The following DHX29 variants were observed in gnomAD, a reference collection of about 807,000 sequenced individuals.
DHX29 encodes DExH-box helicase 29.
Under a neutral mutation model 167.9 loss-of-function variants are expected in DHX29, and 79 were observed. The ratio of observed to expected loss-of-function variants is 0.47; its 90% confidence interval spans 0.39 to 0.57. DHX29 has a LOEUF of 0.57. Among genes scored for constraint, DHX29 ranks in the 20% least tolerant of loss-of-function variants. The probability of loss-of-function intolerance (pLI) is 0.00; values close to 1 mark genes in which losing one functional copy is unlikely to be tolerated. For missense variants in DHX29, 1,347 were observed against 1,593.4 expected, an observed-to-expected ratio of 0.85 and a Z score of 2.63; for synonymous variants, 530 against 546.0, an observed-to-expected ratio of 0.97 and a Z score of 0.41.
intron 1 of DHX29, among the ~76,000 whole-genome samples, chr5:55,305,492 C>T (rs1748814619): frequency 6.6e-6 from 1 of 152,168 alleles, no homozygotes; most frequent in African/African-American, 2.4e-5. Context: ...GATTTTATTG[C>T]AAAGTCAGTG....
chr5:55,301,785 C>T (rs1307944217), intron 1 of DHX29, among the ~76,000 whole-genome samples: 2 of 149,994 alleles, frequency 1.3e-5, no homozygotes, highest in Non-Finnish European at 3.0e-5. Context: ...TTTTATACAC[C>T]TTAAAATAAG....
intron 9 of DHX29, 128 bp from the exon 10 acceptor site, chr5:55,285,544 GATA>G (rs1747676652): frequency 1.6e-6 from 2 of 1,221,328 alleles, no homozygotes; most frequent in East Asian, 5.1e-5. Context: ...GGCATTATTA[GATA>G]ATGATAATCT....
chr5:55,295,402 A>C lies in DHX29; in HGVS notation c.628T>G (p.Tyr210Asp). The C allele has an allele frequency of 6.2e-7, 1 of 1,612,736 alleles. No homozygotes were observed. Among genetic ancestry groups the C allele is most frequent in the Non-Finnish European group, 8.5e-7 (1 of 1,178,840 alleles). ...SPPLQPKTKTYEEDPKSKPKK... is the reference protein window; with the variant it reads ...SPPLQPKTKTDEEDPKSKPKK... ...ACCTTACTCTTAGGGTCCTCTTCAT[A>C]TGTTTTTGTTTTAGGTTGCAATGGA... is the stretch of plus-strand genomic sequence containing the variant. The change falls in exon 5 of 27, where the codon TAT becomes GAT. Residue 210 changes from tyrosine (Y) to aspartate (D), a missense_variant. Coordinates refer to ENST00000251636, the MANE Select transcript of DHX29 (RefSeq NM_019030.4).
intron 12 of DHX29, 74 bp from the exon 13 acceptor site, chr5:55,277,356 C>A: frequency 1.0e-6 from 1 of 978,654 alleles, no homozygotes; most frequent in Non-Finnish European, 1.5e-6. Context: ...AACAATCAGA[C>A]ACCCAGATTT....
Position 55,262,920 on chromosome 5 carries a change from C to T in DHX29, c.3538G>A (p.Glu1180Lys). ...SLLTLEDVKQ[E>K]LIKLVKAAGF... ...GCTGCCTTAACCAACTTTATTAACT[C>T]CTGCTTTACATCCTAGATTGGTTTA... is the stretch of plus-strand genomic sequence containing the variant. The change falls in exon 24 of 27, where the codon GAG (glutamate) becomes AAG (lysine). Residue 1180 changes from glutamate (E) to lysine (K), a missense_variant. Glu to Lys is a moderately conservative substitution (Grantham distance 56, BLOSUM62 1). Coordinates refer to ENST00000251636, the MANE Select transcript of DHX29 (RefSeq NM_019030.4). The T allele has an allele frequency of 1.2e-6, 2 of 1,611,286 alleles. No individual in the cohort carries two copies. The highest frequency in any genetic ancestry group is 1.7e-5 in the Admixed American group (1 of 59,902).
At chr5:55,260,727 A>C (rs952249696) in intron 25 of DHX29, among the ~76,000 whole-genome samples, 2 of 152,240 alleles carry the variant, frequency 1.3e-5, no homozygotes, top group African/African-American at 4.8e-5. Flanking sequence ...ACAAACAGCT[A>C]TCATAGAATA....
rs1406346518 is a variant in DHX29, at chr5:55,283,240, CAT to C, written c.1926_1927del (p.Cys643Ter). On this transcript the variant is annotated frameshift_variant, in exon 11 of 27. Coordinates refer to ENST00000251636, the MANE Select transcript of DHX29 (RefSeq NM_019030.4). LOFTEE classifies it high-confidence loss of function. Reference sequence around the variant, plus strand: ...TCCATTTTCACAGCCCAATTCATCACATACTCTGTTGGCTAAACTAACTGCTG... The same window carrying C: ...TCCATTTTCACAGCCCAATTCATCACACTCTGTTGGCTAAACTAACTGCTG... 6.2e-7 allele frequency: 1 copy of C among 1,606,894 alleles called. No individual in the cohort carries two copies. The highest frequency in any genetic ancestry group is 8.5e-7 in the Non-Finnish European group (1 of 1,175,292).
chr5:55,274,086 CAAAAAAAAAAA>C (rs201970753), intron 16 of DHX29, among the ~76,000 whole-genome samples: 8,693 of 73,832 alleles, frequency 0.12, 469 homozygotes, highest in Admixed American at 0.23. Context: ...GACTCTGCCT[CAAAAAAAAAAA>C]AAAAAAAAGA....
chr5:55,272,774 G>C (rs1038502267), intron 17 of DHX29, among the ~76,000 whole-genome samples: 9 of 152,050 alleles, frequency 5.9e-5, no homozygotes, highest in Admixed American at 2.6e-4. Context: ...GTAGAATGGG[G>C]AACTGGGTAG....
At chr5:55,305,870 G>T (rs1213922330) in intron 1 of DHX29, among the ~76,000 whole-genome samples, 1 of 152,120 alleles carries the variant, frequency 6.6e-6, no homozygotes, top group Non-Finnish European at 1.5e-5. Context: ...ATCTACAAAG[G>T]AAAAGATAGA....
rs2111823708 is a variant in DHX29, at chr5:55,269,619, G to A, written c.3088C>T (p.Pro1030Ser). Residue 1030 changes from proline (P) to serine (S), a missense_variant, in exon 21 of 27, where the codon CCT becomes TCT. This residue lies in a region of DHX29 where 882 missense variants were observed against 1,082.4 expected (regional missense o/e 0.81). Coordinates refer to ENST00000251636, the MANE Select transcript of DHX29 (RefSeq NM_019030.4). Reference protein sequence around the residue: ...LHIMKCNLGSPEDFLSKALDP... With the variant: ...LHIMKCNLGSSEDFLSKALDP... Reference sequence around the variant, plus strand: ...AAGGCTTTGGAGAGGAAATCTTCAGGAGAACCAAGATTACATTTCTGCAGA... The same window carrying A: ...AAGGCTTTGGAGAGGAAATCTTCAGAAGAACCAAGATTACATTTCTGCAGA... The A allele has an allele frequency of 6.2e-7, 1 of 1,613,462 alleles. No homozygotes were observed. Among genetic ancestry groups the A allele is most frequent in the Non-Finnish European group, 8.5e-7 (1 of 1,179,530 alleles).
rs2111833005 is a variant in DHX29, at chr5:55,271,958, C to T, written c.2864+129G>A. 5.8e-6 allele frequency: 3 copies of T among 519,920 alleles called. No individual in the cohort carries two copies. In the East Asian group the frequency reaches 1.0e-4, roughly 18 times the overall value. 32.2% of individuals were successfully genotyped at this position (519,920 alleles called of 1,614,324 possible). On this transcript the variant is annotated intron_variant, in intron 18 of 26. Coordinates refer to ENST00000251636, the MANE Select transcript of DHX29 (RefSeq NM_019030.4). Reference sequence around the variant, plus strand: ...AAAGTTTCCTATAGTTTCTCTAAGGCTTTTGCTTTGGACAGAACTAGGACA... The same window carrying T: ...AAAGTTTCCTATAGTTTCTCTAAGGTTTTTGCTTTGGACAGAACTAGGACA...
In DHX29 at chr5:55,270,735, T is replaced by C. The variant is rs111835345; in HGVS notation, c.2865-29A>G. On this transcript the variant is annotated intron_variant, in intron 18 of 26. Transcript: ENST00000251636. ...AAGAAATGTTTTAGGAGAGAATATG[T>C]AGATAATTGACTTAAGTCAAAATTG... 3.2e-5 allele frequency: 50 copies of C among 1,580,504 alleles called. No individual in the cohort carries two copies. The African/African-American group carries it at 4.3e-4, about 14-fold the overall frequency.
Position 55,261,407 on chromosome 5 carries a change from T to C in DHX29, c.3921A>G (p.Arg1307=). The change falls in exon 25 of 27, where the codon CGA becomes CGG. Residue 1307 remains arginine, a synonymous_variant. Coordinates refer to ENST00000251636, the MANE Select transcript of DHX29 (RefSeq NM_019030.4). ...LFGGDIEVQH[R]ERLLSIDGWI... is the part of the protein sequence containing the mutation. ...AGCCATCAATAGAAAGAAGACGTTC[T>C]CGGTGCTGAACTTCTATATCACCAC... is the stretch of plus-strand genomic sequence containing the variant. 6.3e-7 allele frequency: 1 copy of C among 1,581,690 alleles called. No homozygotes were observed. Among genetic ancestry groups the C allele is most frequent in the Non-Finnish European group, 8.7e-7 (1 of 1,152,282 alleles).
rs144186039 is a variant in DHX29, at chr5:55,281,062, T to TAC, written c.2109+308_2109+309dup. ...CACACACACACATGCTATATGTATA[T>TAC]ACACACACACACACACACGCTATAT... On this transcript the variant is annotated intron_variant, in intron 12 of 26. Coordinates refer to ENST00000251636, the MANE Select transcript of DHX29 (RefSeq NM_019030.4). 5.3e-3 allele frequency among the ~76,000 whole-genome samples: 757 copies of TAC among 142,484 alleles called. 6 individuals carry two copies. The highest frequency in any genetic ancestry group is 7.5e-3 in the African/African-American group (279 of 36,988). 93.5% of individuals were successfully genotyped at this position (142,484 alleles called of 152,430 possible).
chr5:55,264,194 A>G (rs1746443855), intron 23 of DHX29, among the ~76,000 whole-genome samples: 2 of 152,170 alleles, frequency 1.3e-5, no homozygotes, highest in South Asian at 4.1e-4. Context: ...AGTATCAATA[A>G]AAAAACAAAA....
At position 55,262,755 on chromosome 5, in the gene DHX29, T is replaced by C. The variant is rs1282972542; in HGVS notation, c.3703A>G (p.Lys1235Glu). ...YDNVGKIIYT[K>E]SVDVTEKLAC... ...AATTTTTCTGTAACATCCACTGACTTTGTATAGATTATCTTCCCCACATTG... is the reference window on the plus strand; with the variant it reads ...AATTTTTCTGTAACATCCACTGACTCTGTATAGATTATCTTCCCCACATTG... The change falls in exon 24 of 27, where the codon AAG becomes GAG. Residue 1235 changes from lysine (K) to glutamate (E), a missense_variant. By Grantham distance (56) the Lys-to-Glu change is moderately conservative (BLOSUM62 1). Transcript: ENST00000251636. The C allele has an allele frequency of 1.2e-6, 2 of 1,614,128 alleles. No homozygotes were observed. Among genetic ancestry groups the C allele is most frequent in the Middle Eastern group, 1.7e-4 (1 of 6,060 alleles).
Position 55,283,982 on chromosome 5 carries a change from T to C in DHX29, c.1357-171A>G, listed in dbSNP as rs939243211. 5.3e-5 allele frequency among the ~76,000 whole-genome samples: 8 copies of C among 152,228 alleles called. No homozygotes were observed. The South Asian group carries it at 1.5e-3, about 28-fold the overall frequency. ...GCAAATTCAATTGATTAGCACTTGA[T>C]AGCTATATTCATCTTAAAATATAAT... On this transcript the variant is annotated intron_variant, in intron 10 of 26. Coordinates refer to ENST00000251636, the MANE Select transcript of DHX29 (RefSeq NM_019030.4).
Position 55,267,779 on chromosome 5 carries a change from G to A in DHX29, c.3338C>T (p.Thr1113Ile). ...TGCTTCATCTTTTCGACCAATTGGT[G>A]TGGTAAAAGGAGACTTCTCTGTCAT... ...AVMTEKSPFTTPIGRKDEADL... is the reference protein window; with the variant it reads ...AVMTEKSPFTIPIGRKDEADL... Residue 1113 changes from threonine (T) to isoleucine (I), a missense_variant, in exon 22 of 27, where the codon ACA becomes ATA. This residue lies in a region of DHX29 where 882 missense variants were observed against 1,082.4 expected (regional missense o/e 0.81). Transcript: ENST00000251636. The A allele has an allele frequency of 6.2e-7, 1 of 1,606,542 alleles. No homozygotes were observed. Among genetic ancestry groups the A allele is most frequent in the Non-Finnish European group, 8.5e-7 (1 of 1,175,942 alleles).
Sources: allele counts gnomAD v4.1 joint callset (sites outside exome capture counted in the v4.1 genomes callset), GRCh38; gene constraint gnomAD v4.1.1; regional missense constraint gnomAD v4.1.1; transcripts MANE v1.5; gene names NCBI Gene and HGNC (gene_info 2026-07-23, HGNC 2026-07-21).